The following GNG7 variants were observed in gnomAD, a reference collection of about 807,000 sequenced individuals.
GNG7 encodes the protein G protein subunit gamma 7.
In GNG7, 1 loss-of-function variant was observed where a neutral mutation model predicts 4.0. The ratio of observed to expected loss-of-function variants is 0.25; its 90% CI spans 0.09 to 1.18. The LOEUF is 1.18. GNG7 is among the 50% of genes most tolerant of loss of function. The pLI is 0.50. For missense variants in GNG7, 86 were observed against 91.9 expected (o/e 0.94, Z 0.26); for synonymous variants, 34 against 36.9 (o/e 0.92, Z 0.29).
rs578147039 is a variant in GNG7 at position 2,515,203 on chromosome 19, C to G, written c.82-56G>C. Reference sequence around the variant, plus strand: ...AGACATAAGAAGAGGCTGGCACACCCGGGTTCACAGCAGCACCATTCCCAA... The same window carrying G: ...AGACATAAGAAGAGGCTGGCACACCGGGGTTCACAGCAGCACCATTCCCAA... On this transcript the variant is annotated intron_variant, in intron 4 of 4. Transcript: ENST00000382159. 4.4e-6 allele frequency: 7 copies of G among 1,606,220 alleles called. No homozygotes were observed. In the East Asian group the frequency reaches 1.1e-4, roughly 26 times the overall value.
intron 1 of GNG7, among the ~76,000 whole-genome samples, chr19:2,655,174 G>A (rs1439656994): frequency 8.0e-5 from 11 of 136,750 alleles, no homozygotes; most frequent in African/African-American, 3.2e-4. Flanking sequence ...GGGTGACAGA[G>A]CAAGACTCTG....
At chr19:2,675,349 AG>A (rs1983567955) in intron 1 of GNG7, among the ~76,000 whole-genome samples, 1 of 152,212 alleles carries the variant, frequency 6.6e-6, no homozygotes, top group Non-Finnish European at 1.5e-5. Flanking sequence ...TGGAACCTCC[AG>A]GCTCAAGGGG....
intron 2 of GNG7, among the ~76,000 whole-genome samples, chr19:2,587,322 G>A (rs897106241): frequency 5.3e-5 from 8 of 152,096 alleles, no homozygotes; most frequent in Admixed American, 1.3e-4. Context: ...CCTCACCTGC[G>A]TACCCTGCGT....
At chr19:2,642,822 C>G (rs1167336997) in intron 2 of GNG7, 1 of 456,676 alleles carries the variant, frequency 2.2e-6, no homozygotes, top group Admixed American at 2.3e-5. Flanking sequence ...AAGCCCAACA[C>G]CAAACCTGTG....
Position 2,515,011 on chromosome 19 carries a change from T to C in GNG7, c.*11A>G, listed in dbSNP as rs1281887524. 12 of 1,604,940 alleles carry C rather than the reference T, an allele frequency of 7.5e-6. No individual in the cohort carries two copies. Among genetic ancestry groups the C allele is most frequent in the South Asian group, 5.5e-5 (5 of 90,864 alleles). On this transcript the variant is annotated 3_prime_UTR_variant, in exon 5 of 5. Coordinates refer to ENST00000382159, the MANE Select transcript of GNG7 (RefSeq NM_052847.3). ...AAGAGAGAGAGAGAGAGAGAACATA[T>C]GAGAACACAGTTATAAAATAATACA... is the stretch of plus-strand genomic sequence containing the variant.
intron 2 of GNG7, among the ~76,000 whole-genome samples, chr19:2,590,321 G>A (rs1980799598): frequency 6.6e-6 from 1 of 152,114 alleles, no homozygotes; most frequent in African/African-American, 2.4e-5. Context: ...TCTCTATCGG[G>A]CACATAACAA....
chr19:2,675,583 T>C (rs1455758359), intron 1 of GNG7, among the ~76,000 whole-genome samples: 1 of 152,192 alleles, frequency 6.6e-6, no homozygotes, highest in Non-Finnish European at 1.5e-5. Context: ...ATGACCTAAA[T>C]TGGCTCCTAT....
chr19:2,551,986 C>G (rs1979348220), intron 3 of GNG7, among the ~76,000 whole-genome samples: 1 of 152,112 alleles, frequency 6.6e-6, no homozygotes, highest in African/African-American at 2.4e-5. Flanking sequence ...CGCCTGACTG[C>G]TTGTGTGTTC....
At chr19:2,548,108 C>G (rs948442999) in intron 3 of GNG7, among the ~76,000 whole-genome samples, 1 of 152,138 alleles carries the variant, frequency 6.6e-6, no homozygotes, top group African/African-American at 2.4e-5. Context: ...TCCCGGAAAA[C>G]TACAGGCCCA....
intron 1 of GNG7, among the ~76,000 whole-genome samples, chr19:2,665,735 T>G (rs961401689): frequency 6.6e-6 from 1 of 152,206 alleles, no homozygotes; most frequent in Non-Finnish European, 1.5e-5. Context: ...ATCCACCCTG[T>G]GAGACTGGTT....
intron 3 of GNG7, among the ~76,000 whole-genome samples, chr19:2,541,863 T>A (rs1006010338): frequency 6.6e-6 from 1 of 151,974 alleles, no homozygotes; most frequent in African/African-American, 2.4e-5. Flanking sequence ...TGCAGTGAGC[T>A]AGGGTTTCAC....
At chr19:2,558,805 T>C (rs1979646109) in intron 2 of GNG7, among the ~76,000 whole-genome samples, 1 of 151,404 alleles carries the variant, frequency 6.6e-6, no homozygotes. Context: ...TTTATTTATT[T>C]ATTATTTTTT....
At chr19:2,690,566 T>C (rs1280149127) in intron 1 of GNG7, among the ~76,000 whole-genome samples, 3 of 151,890 alleles carry the variant, frequency 2.0e-5, no homozygotes, top group Non-Finnish European at 4.4e-5. Context: ...CCATGTGAGT[T>C]TTTCTATTTC....
Position 2,626,393 on chromosome 19 carries a change from AATTG to A in GNG7, c.-78+19827_-78+19830del, listed in dbSNP as rs1982022908. Among the ~76,000 whole-genome samples the A allele has an allele frequency of 6.6e-6, 1 of 151,902 alleles. No individual in the cohort carries two copies. The highest frequency in any genetic ancestry group is 1.5e-5 in the Non-Finnish European group (1 of 67,960). ...CACACAGGGAGGCTGGACCCAAACC[AATTG>A]ATTGTTGTCATGGGTGGAGCCGGAA... On this transcript the variant is annotated intron_variant, in intron 2 of 4. Coordinates refer to ENST00000382159, the MANE Select transcript of GNG7 (RefSeq NM_052847.3). The surrounding 1 kb of genome is among the most constrained non-coding windows in gnomAD (Gnocchi z 5.0).
intron 2 of GNG7, among the ~76,000 whole-genome samples, chr19:2,619,800 G>A (rs1981817721): frequency 6.6e-6 from 1 of 152,020 alleles, no homozygotes; most frequent in African/African-American, 2.4e-5. Flanking sequence ...GGGGGACAGG[G>A]CTTCTTTTGG....
At position 2,654,166 on chromosome 19, in the gene GNG7, G is replaced by A. The variant is rs138079756; in HGVS notation, c.-134-7886C>T. Among the ~76,000 whole-genome samples, 808 of 152,216 alleles carry A rather than the reference G, an allele frequency of 5.3e-3. 5 individuals carry two copies. The highest frequency in any genetic ancestry group is 0.018 in the African/African-American group (756 of 41,548). On this transcript the variant is annotated intron_variant, in intron 1 of 4. Transcript: ENST00000382159. The stretch of plus-strand genomic sequence containing the variant: ...AAGCCAGGTGGGGGCGGGGCCGGCT[G>A]GGGAGGAGAGGCGGAGAGGAAAGAC...
At chr19:2,522,665 T>G (rs1333592809) in intron 3 of GNG7, among the ~76,000 whole-genome samples, 1 of 129,666 alleles carries the variant, frequency 7.7e-6, no homozygotes, top group East Asian at 2.3e-4. Flanking sequence ...GGCAGGAGAA[T>G]GGGGTGAACC....
intron 3 of GNG7, among the ~76,000 whole-genome samples, chr19:2,532,166 A>C (rs905437368): frequency 1.2e-4 from 19 of 152,006 alleles, no homozygotes; most frequent in African/African-American, 4.1e-4. Flanking sequence ...AAAAAACAAA[A>C]AAAAAAACAA....
intron 2 of GNG7, among the ~76,000 whole-genome samples, chr19:2,636,322 C>T (rs548004190): frequency 2.0e-5 from 3 of 152,248 alleles, no homozygotes; most frequent in South Asian, 2.1e-4. Flanking sequence ...GCCCTCTGCC[C>T]GCCAGGACAA....
Sources: gnomAD v4.1 joint callset for allele counts (sites outside exome capture counted in the v4.1 genomes callset) on GRCh38, gnomAD v4.1.1 for gene constraint, Gnocchi (gnomAD v3.1) non-coding constraint, MANE v1.5 for transcripts, NCBI Gene and HGNC (gene_info 2026-07-23, HGNC 2026-07-21) for gene names.